TP53BP1: variants seen among roughly 807,000 people sequenced by gnomAD.
TP53BP1 encodes the protein TP53-binding protein 1.
A neutral mutation model predicts 200.8 loss-of-function variants in TP53BP1; 61 were observed. The ratio of observed to expected loss-of-function variants is 0.30; its 90% CI spans 0.25 to 0.38. TP53BP1 has a LOEUF of 0.38. Ranked by LOEUF, TP53BP1 falls within the 10% of genes least tolerant of loss-of-function variation. The pLI is 1.00. For synonymous variants in TP53BP1, 822 were observed against 844.3 expected (o/e 0.97, Z 0.46); for missense variants, 2,144 against 2,371.9 (o/e 0.90, Z 2.00).
At chr15:43,427,425 T>A (rs1279962659) in intron 18 of TP53BP1, among the ~76,000 whole-genome samples, 3 of 152,170 alleles carry the variant, frequency 2.0e-5, no homozygotes, top group Non-Finnish European at 4.4e-5. Context: ...CATACAATCT[T>A]TATACATGAG....
Position 43,409,650 on chromosome 15 carries a change from G to C in TP53BP1, c.5397C>G (p.Ala1799=). The change falls in exon 25 of 28, where the codon GCC becomes GCG. Residue 1799 remains alanine (A), a synonymous_variant. Coordinates refer to ENST00000382044, the MANE Select transcript of TP53BP1 (RefSeq NM_001141980.3). ...AGYILEDFNE[A]QCNTAYQCLL... ...GTTACACAAAGAAACTCCTCACCTG[G>C]GCTTCATTGAAATCTTCAAGGATAT... 1 of 1,525,896 alleles carries C rather than the reference G, an allele frequency of 6.6e-7. No homozygotes were observed. The highest frequency in any genetic ancestry group is 1.3e-5 in the South Asian group (1 of 78,172). The allele number at this position is 1,525,896 out of a possible 1,614,324, so 94.5% of individuals were successfully genotyped here. A position where few individuals can be genotyped will look rare whatever the true frequency, so the allele number is the denominator to read the frequency against.
intron 26 of TP53BP1, 152 bp from the exon 27 acceptor site, chr15:43,408,240 G>T: frequency 1.3e-6 from 1 of 787,640 alleles, no homozygotes; most frequent in Non-Finnish European, 2.0e-6. Flanking sequence ...CACTTTGGGA[G>T]GCTGTCGTGG....
In TP53BP1 at chr15:43,493,155, T is replaced by A; in HGVS notation, c.-112A>T. 1.3e-6 allele frequency: 2 copies of A among 1,550,944 alleles called. No homozygotes were observed. The highest frequency in any genetic ancestry group is 1.7e-6 in the Non-Finnish European group (2 of 1,154,676). On this transcript the variant is annotated 5_prime_UTR_variant, in exon 1 of 28. Coordinates refer to ENST00000382044, the MANE Select transcript of TP53BP1 (RefSeq NM_001141980.3). ...GCCACCGCCGCCACCGGCCGCGAAC[T>A]CCCCCTTTCCCGTCACGTCACACAA...
intron 11 of TP53BP1, among the ~76,000 whole-genome samples, chr15:43,461,406 C>T (rs1052915612): frequency 1.3e-5 from 2 of 151,550 alleles, no homozygotes; most frequent in Admixed American, 6.6e-5. Context: ...TTTGTAGAGA[C>T]GAGATTTTGC....
chr15:43,407,528 G>A lies in TP53BP1; in HGVS notation c.5789C>T (p.Ser1930Leu). 1.9e-6 allele frequency: 3 copies of A among 1,614,198 alleles called. No individual in the cohort carries two copies. Among genetic ancestry groups the A allele is most frequent in the Non-Finnish European group, 2.5e-6 (3 of 1,180,034 alleles). Residue 1930 changes from serine to leucine, a missense_variant, in exon 28 of 28, where the codon TCA becomes TTA. Ser to Leu is a moderately radical substitution (Grantham distance 145, BLOSUM62 -2). Coordinates refer to ENST00000382044, the MANE Select transcript of TP53BP1 (RefSeq NM_001141980.3). ...GVFDVVVTDP[S>L]CPASVLKCAE... ...ACACTTCAGCACCGAGGCTGGGCAT[G>A]AGGGGTCCGTCACCACCACATCAAA...
At chr15:43,411,192 C>T (rs1205899778) in intron 24 of TP53BP1, among the ~76,000 whole-genome samples, 2 of 152,192 alleles carry the variant, frequency 1.3e-5, no homozygotes, top group African/African-American at 4.8e-5. Context: ...CCTGTCTAGG[C>T]AGTGTGTTTC....
chr15:43,452,653 T>C (rs1241369216), intron 12 of TP53BP1, among the ~76,000 whole-genome samples: 8 of 152,178 alleles, frequency 5.3e-5, no homozygotes, highest in Non-Finnish European at 1.0e-4. Flanking sequence ...CTTCTCCTCA[T>C]AAATACTATT....
intron 11 of TP53BP1, among the ~76,000 whole-genome samples, chr15:43,463,936 C>T (rs2046499807): frequency 1.3e-5 from 2 of 152,192 alleles, no homozygotes. Context: ...AGCCCGCTTC[C>T]ATTAATAGAC....
intron 11 of TP53BP1, among the ~76,000 whole-genome samples, chr15:43,466,782 A>C (rs1214352697): frequency 6.6e-6 from 1 of 152,150 alleles, no homozygotes; most frequent in Admixed American, 6.5e-5. Context: ...GCCTGAGTAC[A>C]GAAGTTCGAG....
chr15:43,416,501 G>A (rs937435230), intron 21 of TP53BP1, 85 bp from the exon 22 acceptor site: 2 of 1,339,570 alleles, frequency 1.5e-6, no homozygotes, highest in Admixed American at 4.6e-5. Flanking sequence ...AAGCAGGCCT[G>A]AGTTAGGGAA....
intron 17 of TP53BP1, among the ~76,000 whole-genome samples, chr15:43,430,682 G>GTTC (rs2142997368): frequency 6.6e-6 from 1 of 152,174 alleles, no homozygotes; most frequent in East Asian, 1.9e-4. Flanking sequence ...ACCCCCAGTG[G>GTTC]ATGCCTGAAA....
chr15:43,414,437 T>A (rs2045211361), intron 23 of TP53BP1, among the ~76,000 whole-genome samples: 1 of 152,138 alleles, frequency 6.6e-6, no homozygotes, highest in Non-Finnish European at 1.5e-5. Flanking sequence ...GATGACACAA[T>A]TCAAATACAT....
chr15:43,417,583 A>T (rs1391582605), intron 21 of TP53BP1, among the ~76,000 whole-genome samples: 1 of 152,250 alleles, frequency 6.6e-6, no homozygotes, highest in African/African-American at 2.4e-5. Flanking sequence ...GGGACACAGA[A>T]TCCCCACACC....
chr15:43,415,409 G>A (rs1292108585), intron 23 of TP53BP1, 185 bp downstream of exon 23: 1 of 719,460 alleles, frequency 1.4e-6, no homozygotes, highest in Non-Finnish European at 2.5e-6. Flanking sequence ...ACTAGAGTCT[G>A]TAGGGGATGG....
chr15:43,428,448 G>A (rs2045599872), intron 17 of TP53BP1, among the ~76,000 whole-genome samples: 1 of 152,036 alleles, frequency 6.6e-6, no homozygotes, highest in African/African-American at 2.4e-5. Context: ...CGGACATTTA[G>A]GTGAACCTTT....
In TP53BP1 at chr15:43,413,346, A is replaced by G; in HGVS notation, c.5090-12T>C. On this transcript the variant is annotated splice_polypyrimidine_tract_variant and intron_variant, in intron 23 of 27. Transcript: ENST00000382044. Reference sequence around the variant, plus strand: ...TGCCCCTACTGCACCTGGGAAGGACAGGGGCACAGTTACTAGAGGGATACA... The same window carrying G: ...TGCCCCTACTGCACCTGGGAAGGACGGGGGCACAGTTACTAGAGGGATACA... 1.2e-6 allele frequency: 2 copies of G among 1,611,130 alleles called. No individual in the cohort carries two copies. The highest frequency in any genetic ancestry group is 1.7e-6 in the Non-Finnish European group (2 of 1,178,174).
intron 1 of TP53BP1, among the ~76,000 whole-genome samples, chr15:43,499,959 CAT>C (rs1355822143): frequency 6.6e-6 from 1 of 152,162 alleles, no homozygotes; most frequent in Non-Finnish European, 1.5e-5. Context: ...TAATTTTAGT[CAT>C]GTGGTTATAA....
chr15:43,450,210 G>A (rs764618603), intron 12 of TP53BP1, among the ~76,000 whole-genome samples: 1 of 152,102 alleles, frequency 6.6e-6, no homozygotes, highest in Admixed American at 6.5e-5. Flanking sequence ...TGTCCTTTAA[G>A]GACTTTAGAG....
chr15:43,439,945 A>G (rs966212403), intron 15 of TP53BP1, among the ~76,000 whole-genome samples: 1 of 152,234 alleles, frequency 6.6e-6, no homozygotes, highest in African/African-American at 2.4e-5. Flanking sequence ...TATATCATTA[A>G]GGGATCTTCA....
Sources: gnomAD v4.1 joint callset for allele counts (sites outside exome capture counted in the v4.1 genomes callset) on GRCh38, gnomAD v4.1.1 for gene constraint, MANE v1.5 for transcripts, NCBI Gene and HGNC (gene_info 2026-07-23, HGNC 2026-07-21) for gene names.